PREX1: variants seen among roughly 807,000 people sequenced by gnomAD.
PREX1 encodes phosphatidylinositol 3,4,5-trisphosphate-dependent Rac exchanger 1 protein.
Under a neutral mutation model 198.3 loss-of-function variants are expected in PREX1, and 41 were observed. That is an observed-to-expected ratio of 0.21 (90% CI 0.16 to 0.27). The LOEUF (loss-of-function observed/expected upper bound fraction) is 0.27. Among genes scored for constraint, PREX1 ranks in the 10% least tolerant of loss-of-function variants. PREX1 has a pLI of 1.00. For missense variants in PREX1, 1,620 were observed against 2,200.7 expected (o/e 0.74, Z 5.28); for synonymous variants, 843 against 887.2 (o/e 0.95, Z 0.89).
At chr20:48,832,052 G>T (rs368035631), upstream of PREX1, among the ~76,000 whole-genome samples, 291 of 151,958 alleles carry the variant, frequency 1.9e-3, 10 homozygotes, top group South Asian at 0.052. Context: ...TGTATGTCAG[G>T]GCAGGGCCTG....
At chr20:48,845,286 T>C in the PREX1 span, among the ~76,000 whole-genome samples, 1 of 152,256 alleles carries the variant, frequency 6.6e-6, no homozygotes, top group Non-Finnish European at 1.5e-5. Context: ...AAACAGGATG[T>C]TCTCATAGAA....
At chr20:48,647,702 A>G (rs532409781) in intron 25 of PREX1, among the ~76,000 whole-genome samples, 3 of 152,142 alleles carry the variant, frequency 2.0e-5, no homozygotes, top group Admixed American at 6.5e-5. Context: ...TGCACAGTGG[A>G]TAAGTAGCAG....
At chr20:48,663,327 C>G (rs1037413234) in intron 15 of PREX1, among the ~76,000 whole-genome samples, 3 of 152,208 alleles carry the variant, frequency 2.0e-5, no homozygotes, top group Admixed American at 6.5e-5. Flanking sequence ...GCTCACTCTG[C>G]CAAGGGAACC....
At chr20:48,714,898 C>T (rs1399117468) in intron 5 of PREX1, among the ~76,000 whole-genome samples, 4 of 152,188 alleles carry the variant, frequency 2.6e-5, no homozygotes, top group African/African-American at 7.2e-5. Flanking sequence ...TCGAAGGTGT[C>T]CCAGCTGGTC....
At chr20:48,838,940 T>C in the PREX1 span, among the ~76,000 whole-genome samples, 1 of 139,182 alleles carries the variant, frequency 7.2e-6, no homozygotes, top group Non-Finnish European at 1.5e-5. Context: ...GCATGAGAAT[T>C]GCTTGAAACC....
At chr20:48,828,984 C>A (rs988610321), upstream of PREX1, among the ~76,000 whole-genome samples, 7 of 152,198 alleles carry the variant, frequency 4.6e-5, no homozygotes, top group Non-Finnish European at 7.3e-5. Context: ...ACTTGCTGGC[C>A]GGGTGGCCTT....
chr20:48,627,467 G>A, intron 39 of PREX1, 81 bp downstream of exon 39: 3 of 1,486,352 alleles, frequency 2.0e-6, no homozygotes, highest in Non-Finnish European at 2.8e-6. Context: ...TTAGGGGTTA[G>A]GCCAGGAGCA....
At chr20:48,828,728 C>T (rs546319858), upstream of PREX1, among the ~76,000 whole-genome samples, 60 of 152,346 alleles carry the variant, frequency 3.9e-4, no homozygotes, top group Admixed American at 3.4e-3. Flanking sequence ...TGCCCCCTGA[C>T]CCTGCCCTTT....
intron 1 of PREX1, among the ~76,000 whole-genome samples, chr20:48,797,436 T>G (rs895161071): frequency 6.8e-6 from 1 of 146,792 alleles, no homozygotes; most frequent in African/African-American, 2.5e-5. Flanking sequence ...GGGAACAATA[T>G]CCCCTTTTAC....
At chr20:48,747,741 G>T in intron 2 of PREX1, 68 bp downstream of exon 2, 1 of 1,497,420 alleles carries the variant, frequency 6.7e-7, no homozygotes, top group Admixed American at 1.8e-5. Context: ...TCTGAGCATC[G>T]CACGGGAAGA....
At chr20:48,718,615 T>C (rs1005238017) in intron 5 of PREX1, among the ~76,000 whole-genome samples, 1 of 152,158 alleles carries the variant, frequency 6.6e-6, no homozygotes, top group African/African-American at 2.4e-5. Flanking sequence ...AGATTTTAAA[T>C]TGAACTCTAT....
chr20:48,681,469 T>C, intron 10 of PREX1, 134 bp from the exon 11 acceptor site: 2 of 815,196 alleles, frequency 2.5e-6, no homozygotes, highest in East Asian at 2.5e-5. Context: ...CCGAGTGTAG[T>C]AGTCTATAGC....
At chr20:48,712,676 C>A (rs77225766) in intron 5 of PREX1, among the ~76,000 whole-genome samples, 1 of 152,328 alleles carries the variant, frequency 6.6e-6, no homozygotes, top group Non-Finnish European at 1.5e-5. Context: ...CCTGGCCAGG[C>A]CCATAGCTGG....
intron 1 of PREX1, among the ~76,000 whole-genome samples, chr20:48,787,015 C>T (rs1168206240): frequency 6.6e-6 from 1 of 151,516 alleles, no homozygotes; most frequent in Non-Finnish European, 1.5e-5. Flanking sequence ...TCAGAAGCCC[C>T]CTTGAGCATA....
At chr20:48,629,646 G>C (rs547468548) in intron 36 of PREX1, 25 bp from the exon 37 acceptor site, 1 of 1,608,322 alleles carries the variant, frequency 6.2e-7, no homozygotes, top group East Asian at 2.2e-5. Flanking sequence ...ACACATAACC[G>C]GGGAGTTGGA....
chr20:48,850,392 T>C, the PREX1 span, among the ~76,000 whole-genome samples: 10 of 151,894 alleles, frequency 6.6e-5, no homozygotes, highest in Non-Finnish European at 1.3e-4. Flanking sequence ...AGCAGAGGGG[T>C]AACGATGTGG....
At chr20:48,839,929 T>C in the PREX1 span, among the ~76,000 whole-genome samples, 1 of 152,250 alleles carries the variant, frequency 6.6e-6, no homozygotes, top group Non-Finnish European at 1.5e-5. Context: ...AACAGTCACC[T>C]TGGATTATTA....
At chr20:48,858,470 G>T in the PREX1 span, among the ~76,000 whole-genome samples, 37 of 152,354 alleles carry the variant, frequency 2.4e-4, no homozygotes, top group African/African-American at 8.2e-4. Flanking sequence ...CAGAAATTGG[G>T]GATGGGGAAA....
chr20:48,655,280 T>C lies in PREX1; in HGVS notation c.2209+10A>G. ...GCACCTTTCCCCTCTCTCCCAAGGC[T>C]CCCACTCACCTCTCCCCACAGCATA... On this transcript the variant is annotated intron_variant, in intron 19 of 39. Coordinates refer to ENST00000371941, the MANE Select transcript of PREX1 (RefSeq NM_020820.4). 1 of 1,548,612 alleles carries C rather than the reference T, an allele frequency of 6.5e-7. No individual in the cohort carries two copies. Among genetic ancestry groups the C allele is most frequent in the South Asian group, 1.2e-5 (1 of 86,930 alleles).
Sources: allele counts gnomAD v4.1 joint callset (sites outside exome capture counted in the v4.1 genomes callset), GRCh38; gene constraint gnomAD v4.1.1; transcripts MANE v1.5; gene names NCBI Gene and HGNC (gene_info 2026-07-23, HGNC 2026-07-21).